PDSS2: variants seen among roughly 807,000 people sequenced by gnomAD.
The protein encoded by PDSS2 is decaprenyl diphosphate synthase subunit 2.
PDSS2 carries 31 observed loss-of-function variants against 44.5 expected under a neutral mutation model. That is an observed-to-expected ratio of 0.70 (90% CI 0.52 to 0.94). The LOEUF (loss-of-function observed/expected upper bound fraction) is 0.94, where lower values mean the gene tolerates loss of function less well. PDSS2 is among the 40% of genes least tolerant of loss of function. The probability of loss-of-function intolerance (pLI) is 0.00; values close to 1 mark genes in which losing one functional copy is unlikely to be tolerated. For synonymous variants in PDSS2, 157 were observed against 180.3 expected (o/e 0.87, Z 1.03); for missense variants, 452 against 482.2 (o/e 0.94, Z 0.59).
intron 2 of PDSS2, among the ~76,000 whole-genome samples, chr6:107,282,666 C>T (rs1338515552): frequency 6.6e-6 from 1 of 151,302 alleles, no homozygotes; most frequent in Non-Finnish European, 1.5e-5. Flanking sequence ...GAGATTGAGG[C>T]CATCCTGGCT....
intron 2 of PDSS2, among the ~76,000 whole-genome samples, chr6:107,322,173 T>C (rs1398536798): frequency 1.3e-5 from 2 of 152,216 alleles, no homozygotes; most frequent in Non-Finnish European, 2.9e-5. Context: ...AATTTGTATC[T>C]AATCCTGTAG....
intron 4 of PDSS2, among the ~76,000 whole-genome samples, chr6:107,233,138 T>C (rs1383068576): frequency 6.6e-6 from 1 of 152,238 alleles, no homozygotes; most frequent in Non-Finnish European, 1.5e-5. Flanking sequence ...ATTGATTCAT[T>C]TCTACTGTAT....
chr6:107,246,617 C>G (rs1774624283), intron 3 of PDSS2, among the ~76,000 whole-genome samples: 1 of 152,154 alleles, frequency 6.6e-6, no homozygotes, highest in African/African-American at 2.4e-5. Context: ...ACCCAAACAA[C>G]AAGATACTTC....
chr6:107,263,975 A>C (rs1163844062), intron 3 of PDSS2, among the ~76,000 whole-genome samples: 1 of 152,240 alleles, frequency 6.6e-6, no homozygotes, highest in Non-Finnish European at 1.5e-5. Context: ...TACATGTATA[A>C]AAAATATTAA....
At chr6:107,200,025 T>C (rs1772714549) in intron 6 of PDSS2, among the ~76,000 whole-genome samples, 1 of 152,130 alleles carries the variant, frequency 6.6e-6, no homozygotes. Flanking sequence ...AACAAAAGGC[T>C]AGGACAGAGA....
Position 107,288,753 on chromosome 6 carries a change from G to GTTT in PDSS2, c.432-14529_432-14527dup, listed in dbSNP as rs35762837. 6.4e-3 allele frequency among the ~76,000 whole-genome samples: 466 copies of GTTT among 72,708 alleles called. 14 individuals are homozygous for GTTT. The highest frequency in any genetic ancestry group is 0.016 in the African/African-American group (278 of 17,558). 47.7% of individuals were successfully genotyped at this position (72,708 alleles called of 152,430 possible). Reference sequence around the variant, plus strand: ...AATATGAAGATGCCGGGACGAAATTGTTTTTTTTTTTTTTTTTTTTTTTTG... The same window carrying GTTT: ...AATATGAAGATGCCGGGACGAAATTGTTTTTTTTTTTTTTTTTTTTTTTTTTTG... On this transcript the variant is annotated intron_variant, in intron 2 of 7. Transcript: ENST00000369037.
intron 6 of PDSS2, among the ~76,000 whole-genome samples, chr6:107,200,366 C>T (rs1400316945): frequency 6.6e-6 from 1 of 152,132 alleles, no homozygotes; most frequent in Non-Finnish European, 1.5e-5. Context: ...ACCAGAAGTT[C>T]CCAGATGCTG....
intron 2 of PDSS2, 57 bp from the exon 3 acceptor site, chr6:107,274,284 G>C: frequency 1.5e-6 from 2 of 1,338,696 alleles, no homozygotes; most frequent in African/African-American, 1.4e-5. Context: ...TATCACTAAT[G>C]TCTGATTTCA....
intron 1 of PDSS2, among the ~76,000 whole-genome samples, chr6:107,416,912 A>C (rs1780678869): frequency 6.6e-6 from 1 of 152,080 alleles, no homozygotes; most frequent in South Asian, 2.1e-4. Flanking sequence ...GTCAACATGT[A>C]AATTTAAAAA....
rs72939894 is a variant in PDSS2, at chr6:107,382,663, C to T, written c.297-48331G>A. Among the ~76,000 whole-genome samples, 870 of 152,208 alleles carry T rather than the reference C, an allele frequency of 5.7e-3. 10 individuals carry two copies. Among genetic ancestry groups the T allele is most frequent in the South Asian group, 0.038 (184 of 4,816 alleles). On this transcript the variant is annotated intron_variant, in intron 1 of 7. Transcript: ENST00000369037. ...GACTAGCCTGGACAACATAGTGAGA[C>T]TCCCTCTCTACAAAAAATAAAAAAT...
intron 2 of PDSS2, among the ~76,000 whole-genome samples, chr6:107,324,430 T>C (rs919820259): frequency 2.3e-4 from 35 of 152,316 alleles, no homozygotes; most frequent in African/African-American, 6.7e-4. Context: ...TACAAAAAGA[T>C]ACGTTTCTTA....
At chr6:107,362,878 TAACTG>T (rs1778823931) in intron 1 of PDSS2, among the ~76,000 whole-genome samples, 1 of 152,142 alleles carries the variant, frequency 6.6e-6, no homozygotes, top group African/African-American at 2.4e-5. Context: ...AAAAGTTTAA[TAACTG>T]AAATGAAAAT....
At chr6:107,354,631 A>T (rs939500340) in intron 1 of PDSS2, among the ~76,000 whole-genome samples, 9 of 152,218 alleles carry the variant, frequency 5.9e-5, no homozygotes, top group Non-Finnish European at 1.0e-4. Flanking sequence ...GCGACCCTGT[A>T]TCTGGAAGAA....
At position 107,444,280 on chromosome 6, in the gene PDSS2, C is replaced by T. The variant is rs190674483; in HGVS notation, c.296+14710G>A. Among the ~76,000 whole-genome samples, 92 of 152,292 alleles carry T rather than the reference C, an allele frequency of 6.0e-4. 1 individual carries two copies. Among genetic ancestry groups the T allele is most frequent in the Admixed American group, 5.1e-3 (78 of 15,298 alleles). ...TCCTGAGCTTCAGCAATCCTTTCAC[C>T]TTAGCCTCCCAAAGTGCTGGGATTA... is the stretch of plus-strand genomic sequence containing the variant. On this transcript the variant is annotated intron_variant, in intron 1 of 7. Transcript: ENST00000369037.
chr6:107,213,449 T>C (rs1773298026), intron 4 of PDSS2, among the ~76,000 whole-genome samples: 1 of 151,864 alleles, frequency 6.6e-6, no homozygotes, highest in Non-Finnish European at 1.5e-5. Flanking sequence ...TGCGCCCAGT[T>C]TACCCTCTAT....
At chr6:107,254,022 T>C (rs529865387) in intron 3 of PDSS2, among the ~76,000 whole-genome samples, 11 of 149,980 alleles carry the variant, frequency 7.3e-5, no homozygotes, top group African/African-American at 2.5e-4. Context: ...CTTTTCTTTT[T>C]CTTTCTTTCT....
intron 7 of PDSS2, among the ~76,000 whole-genome samples, chr6:107,183,819 C>T (rs566895735): frequency 7.9e-5 from 12 of 151,960 alleles, no homozygotes; most frequent in South Asian, 2.1e-4. Context: ...TGCTTGAACC[C>T]GGGAAGTGGA....
chr6:107,154,634 C>T lies in PDSS2; in HGVS notation c.1185G>A (p.Val395=). 1 of 1,614,104 alleles carries T rather than the reference C, an allele frequency of 6.2e-7. No homozygotes were observed. Among genetic ancestry groups the T allele is most frequent in the Non-Finnish European group, 8.5e-7 (1 of 1,180,016 alleles). The change falls in exon 8 of 8, where the codon GTG becomes GTA. Residue 395 remains valine (V), a synonymous_variant. Coordinates refer to ENST00000369037, the MANE Select transcript of PDSS2 (RefSeq NM_020381.4). ...TAATTTGATGTCATGAAAATCTGGTCACAGCAAACACAATGTTTTCTAAAG... is the reference window on the plus strand; with the variant it reads ...TAATTTGATGTCATGAAAATCTGGTTACAGCAAACACAATGTTTTCTAAAG... The part of the protein sequence containing the change: ...RSALENIVFA[V]TRFS
chr6:107,245,710 A>G (rs571738266), intron 3 of PDSS2, 91 bp from the exon 4 acceptor site: 67 of 797,326 alleles, frequency 8.4e-5, no homozygotes, highest in Non-Finnish European at 1.2e-4. Context: ...GTGGCAAGGC[A>G]GAATTTTTCT....
Sources: gnomAD v4.1 joint callset for allele counts (sites outside exome capture counted in the v4.1 genomes callset) on GRCh38, gnomAD v4.1.1 for gene constraint, MANE v1.5 for transcripts, NCBI Gene and HGNC (gene_info 2026-07-23, HGNC 2026-07-21) for gene names.